ASIC2: variants seen among roughly 807,000 people sequenced by gnomAD.
The protein encoded by ASIC2 is acid sensing ion channel subunit 2.
Under a neutral mutation model 57.3 loss-of-function variants are expected in ASIC2, and 25 were observed. The observed-to-expected ratio is 0.44, with a 90% CI of 0.32 to 0.61. The LOEUF is 0.61. ASIC2 is among the 20% of genes least tolerant of loss of function. The probability of loss-of-function intolerance (pLI) is 0.06; values close to 1 mark genes in which losing one functional copy is unlikely to be tolerated. For missense variants in ASIC2, 641 were observed against 738.1 expected (o/e 0.87, Z 1.52); for synonymous variants, 319 against 307.5 (o/e 1.04, Z -0.39).
At chr17:33,075,202 T>C (rs9916573) in intron 3 of ASIC2, among the ~76,000 whole-genome samples, 3,691 of 152,222 alleles carry the variant, frequency 0.024, 141 homozygotes, top group African/African-American at 0.076. Context: ...GATCTGATGG[T>C]TTTATAAGGG....
chr17:33,260,472 C>A (rs561760255), intron 1 of ASIC2, among the ~76,000 whole-genome samples: 1 of 152,330 alleles, frequency 6.6e-6, no homozygotes, highest in South Asian at 2.1e-4. Context: ...CTAATAGCTT[C>A]TTGAAGGGAA....
chr17:33,264,155 T>C (rs1909380140), intron 1 of ASIC2, among the ~76,000 whole-genome samples: 1 of 152,248 alleles, frequency 6.6e-6, no homozygotes, highest in African/African-American at 2.4e-5. Context: ...CCAGGCAGCA[T>C]GACATCTGCC....
At chr17:33,157,456 C>T (rs1248160140) in intron 1 of ASIC2, among the ~76,000 whole-genome samples, 2 of 152,144 alleles carry the variant, frequency 1.3e-5, no homozygotes, top group Admixed American at 1.3e-4. Context: ...TGTCCAATTC[C>T]AAAACTCTTC....
chr17:33,014,648 G>A (rs1291556720), intron 9 of ASIC2, among the ~76,000 whole-genome samples: 2 of 152,100 alleles, frequency 1.3e-5, no homozygotes, highest in African/African-American at 2.4e-5. Flanking sequence ...TTCCCAGGCT[G>A]TGGTGGGTGG....
chr17:33,142,530 G>T (rs899989211), intron 1 of ASIC2, among the ~76,000 whole-genome samples: 1 of 152,132 alleles, frequency 6.6e-6, no homozygotes, highest in African/African-American at 2.4e-5. Context: ...CCCAGCCAGG[G>T]GTCCTCAGCA....
chr17:33,360,168 G>A (rs775527696), intron 1 of ASIC2, among the ~76,000 whole-genome samples: 3 of 152,128 alleles, frequency 2.0e-5, no homozygotes, highest in Non-Finnish European at 4.4e-5. Context: ...AGAAAATATA[G>A]CCAGCACTTC....
At chr17:33,881,774 G>A (rs1271422916) in intron 1 of ASIC2, among the ~76,000 whole-genome samples, 1 of 152,018 alleles carries the variant, frequency 6.6e-6, no homozygotes, top group African/African-American at 2.4e-5. Flanking sequence ...AAGTTCATAT[G>A]GAACCAAAAA....
chr17:33,350,505 C>T (rs951287431), intron 1 of ASIC2, among the ~76,000 whole-genome samples: 1 of 152,012 alleles, frequency 6.6e-6, no homozygotes, highest in Non-Finnish European at 1.5e-5. Flanking sequence ...CAGGACGAAA[C>T]CCCGTCTCTA....
chr17:33,312,930 C>A (rs962996012), intron 1 of ASIC2, among the ~76,000 whole-genome samples: 1 of 152,088 alleles, frequency 6.6e-6, no homozygotes, highest in Non-Finnish European at 1.5e-5. Flanking sequence ...AAGTGAAATT[C>A]CTTCTCAAGA....
chr17:33,707,723 G>A (rs1203438131), intron 1 of ASIC2, among the ~76,000 whole-genome samples: 1 of 152,136 alleles, frequency 6.6e-6, no homozygotes, highest in Non-Finnish European at 1.5e-5. Context: ...TCAGTTAGAG[G>A]TGTTACTCAA....
At chr17:34,116,610 T>C (rs1467569079) in intron 1 of ASIC2, among the ~76,000 whole-genome samples, 2 of 152,188 alleles carry the variant, frequency 1.3e-5, no homozygotes, top group Non-Finnish European at 1.5e-5. Context: ...TCAGCTTTCA[T>C]GAAGCCTCTG....
intron 1 of ASIC2, among the ~76,000 whole-genome samples, chr17:33,319,618 C>T (rs1037276897): frequency 4.6e-5 from 7 of 152,172 alleles, no homozygotes; most frequent in Non-Finnish European, 8.8e-5. Context: ...GTATTCACCA[C>T]CTCAAGCATT....
At chr17:33,807,311 G>T (rs1912296021) in intron 1 of ASIC2, among the ~76,000 whole-genome samples, 1 of 152,160 alleles carries the variant, frequency 6.6e-6, no homozygotes, top group Admixed American at 6.5e-5. Context: ...ATAGGTAGTG[G>T]CTTCTGGTCA....
At chr17:33,137,327 T>C (rs936861951) in intron 1 of ASIC2, among the ~76,000 whole-genome samples, 6 of 152,250 alleles carry the variant, frequency 3.9e-5, no homozygotes, top group Middle Eastern at 3.2e-3. Flanking sequence ...ATGTGCATTG[T>C]GAATCTCCAA....
intron 1 of ASIC2, among the ~76,000 whole-genome samples, chr17:33,175,569 T>A (rs1190932952): frequency 6.6e-6 from 1 of 152,136 alleles, no homozygotes; most frequent in African/African-American, 2.4e-5. Context: ...GCGGCGCTTG[T>A]GGCAGATTGA....
intron 1 of ASIC2, among the ~76,000 whole-genome samples, chr17:33,731,112 A>G (rs945426256): frequency 2.0e-5 from 3 of 152,220 alleles, no homozygotes; most frequent in Non-Finnish European, 2.9e-5. Context: ...AAATGAACTC[A>G]TAGCATGAGG....
At chr17:33,289,487 G>A (rs367892575) in intron 1 of ASIC2, among the ~76,000 whole-genome samples, 1 of 152,146 alleles carries the variant, frequency 6.6e-6, no homozygotes, top group Non-Finnish European at 1.5e-5. Flanking sequence ...GGAGGGACAG[G>A]ATTCCTAGGA....
At chr17:33,020,565 G>C (rs534713557) in intron 7 of ASIC2, among the ~76,000 whole-genome samples, 1 of 152,260 alleles carries the variant, frequency 6.6e-6, no homozygotes, top group Non-Finnish European at 1.5e-5. Context: ...GTGAGTTTTG[G>C]GTTGGGCTGG....
intron 1 of ASIC2, among the ~76,000 whole-genome samples, chr17:33,657,167 G>A (rs182427600): frequency 1.3e-5 from 2 of 152,140 alleles, no homozygotes; most frequent in East Asian, 1.9e-4. Flanking sequence ...CCTTACGAAC[G>A]ACACTTGCTG....
Sources: allele counts gnomAD v4.1 joint callset (sites outside exome capture counted in the v4.1 genomes callset), GRCh38; gene constraint gnomAD v4.1.1; transcripts MANE v1.5; gene names NCBI Gene and HGNC (gene_info 2026-07-23, HGNC 2026-07-21).